FAF1: variants seen among roughly 807,000 people sequenced by gnomAD.
The protein encoded by FAF1 is Fas associated factor 1, also known as FAS-associated factor 1.
A neutral mutation model predicts 92.5 loss-of-function variants in FAF1; 25 were observed. The observed-to-expected ratio is 0.27, with a 90% CI of 0.20 to 0.38. The LOEUF is 0.38. Ranked by LOEUF, FAF1 falls within the 10% of genes least tolerant of loss-of-function variation. FAF1 has a pLI of 1.00. For missense variants in FAF1, 636 were observed against 793.3 expected (o/e 0.80, Z 2.38); for synonymous variants, 234 against 273.2 (o/e 0.86, Z 1.42).
chr1:50,642,024 G>A (rs1287026121), intron 8 of FAF1, among the ~76,000 whole-genome samples: 1 of 151,932 alleles, frequency 6.6e-6, no homozygotes, highest in Non-Finnish European at 1.5e-5. Context: ...GCAACATGGT[G>A]AAACCCCATC....
chr1:50,842,676 C>T (rs757243007), intron 2 of FAF1, among the ~76,000 whole-genome samples: 1 of 152,024 alleles, frequency 6.6e-6, no homozygotes, highest in African/African-American at 2.4e-5. Context: ...GCTTTTCCTT[C>T]TGTTTTCACC....
intron 4 of FAF1, among the ~76,000 whole-genome samples, chr1:50,783,293 CT>C (rs2124565409): frequency 6.6e-6 from 1 of 152,244 alleles, no homozygotes; most frequent in South Asian, 2.1e-4. Flanking sequence ...TAAAGAATTA[CT>C]GCCAAGCCTT....
intron 1 of FAF1, among the ~76,000 whole-genome samples, chr1:50,953,726 C>T (rs1488289905): frequency 2.0e-5 from 3 of 151,186 alleles, no homozygotes; most frequent in Non-Finnish European, 4.4e-5. Flanking sequence ...GCAACAAAAG[C>T]GAAACTCTGT....
At chr1:50,756,150 C>G (rs755647411) in intron 4 of FAF1, among the ~76,000 whole-genome samples, 3 of 152,194 alleles carry the variant, frequency 2.0e-5, no homozygotes, top group Non-Finnish European at 4.4e-5. Context: ...TACAAATTTT[C>G]TGAACTTACA....
intron 8 of FAF1, among the ~76,000 whole-genome samples, chr1:50,637,368 G>A (rs887786769): frequency 1.0e-4 from 15 of 150,590 alleles, no homozygotes; most frequent in Admixed American, 3.3e-4. Context: ...CAGGAGAATC[G>A]CTTGAACTTG....
At chr1:50,708,184 C>T (rs1657768574) in intron 6 of FAF1, among the ~76,000 whole-genome samples, 1 of 152,202 alleles carries the variant, frequency 6.6e-6, no homozygotes. Context: ...ATTCTGGCTG[C>T]TCTGGCCACA....
chr1:50,947,541 G>A (rs1645180379), intron 1 of FAF1, among the ~76,000 whole-genome samples: 1 of 152,194 alleles, frequency 6.6e-6, no homozygotes, highest in Admixed American at 6.5e-5. Context: ...TTAACATGGT[G>A]AACAATTTTG....
intron 15 of FAF1, among the ~76,000 whole-genome samples, chr1:50,529,481 A>G (rs1019963453): frequency 6.6e-6 from 1 of 152,224 alleles, no homozygotes; most frequent in Non-Finnish European, 1.5e-5. Context: ...TCTTACATTC[A>G]AAATGTGAAA....
chr1:50,443,695 G>A (rs1219221437), intron 18 of FAF1, among the ~76,000 whole-genome samples: 2 of 152,160 alleles, frequency 1.3e-5, no homozygotes, highest in East Asian at 3.8e-4. Context: ...TTCATAGGTT[G>A]TTGTGATTAT....
chr1:50,650,404 G>A (rs1654810017), intron 8 of FAF1, among the ~76,000 whole-genome samples: 1 of 151,676 alleles, frequency 6.6e-6, no homozygotes, highest in Non-Finnish European at 1.5e-5. Context: ...CCAAGAGTTC[G>A]AGGCCAAAAG....
At chr1:50,636,278 C>T (rs561685638) in intron 8 of FAF1, among the ~76,000 whole-genome samples, 1 of 151,844 alleles carries the variant, frequency 6.6e-6, no homozygotes, top group South Asian at 2.1e-4. Flanking sequence ...AGAAAATTTC[C>T]ATCACTTCTC....
chr1:50,646,907 A>G (rs1387498972), intron 8 of FAF1, among the ~76,000 whole-genome samples: 5 of 152,178 alleles, frequency 3.3e-5, no homozygotes, highest in Non-Finnish European at 4.4e-5. Context: ...GTACAGTGGC[A>G]TGCTCTTGGC....
intron 17 of FAF1, among the ~76,000 whole-genome samples, chr1:50,481,289 A>G (rs1373360802): frequency 1.3e-5 from 2 of 152,196 alleles, no homozygotes; most frequent in Non-Finnish European, 2.9e-5. Flanking sequence ...TTCACTCACC[A>G]CTTGCTCACT....
At chr1:50,791,533 G>T (rs374467317) in intron 3 of FAF1, among the ~76,000 whole-genome samples, 34 of 152,224 alleles carry the variant, frequency 2.2e-4, no homozygotes, top group African/African-American at 7.2e-4. Context: ...CTTTTTTCCT[G>T]CTTGCATTCA....
intron 2 of FAF1, among the ~76,000 whole-genome samples, chr1:50,810,086 T>A (rs1464597529): frequency 6.6e-6 from 1 of 151,974 alleles, no homozygotes; most frequent in Non-Finnish European, 1.5e-5. Context: ...TGAAACCCCA[T>A]CTCTACTGAA....
At chr1:50,677,437 T>C (rs1656171545) in intron 7 of FAF1, among the ~76,000 whole-genome samples, 2 of 152,224 alleles carry the variant, frequency 1.3e-5, no homozygotes, top group Non-Finnish European at 2.9e-5. Context: ...TGAGCTCTTA[T>C]GTTTTACATT....
intron 4 of FAF1, among the ~76,000 whole-genome samples, chr1:50,782,217 C>T (rs1557525157): frequency 6.6e-6 from 1 of 151,818 alleles, no homozygotes; most frequent in Non-Finnish European, 1.5e-5. Context: ...CAGGCTCAGG[C>T]TAGTCCTTCA....
At chr1:50,721,620 T>A (rs1460226513) in intron 6 of FAF1, among the ~76,000 whole-genome samples, 1 of 152,130 alleles carries the variant, frequency 6.6e-6, no homozygotes, top group Non-Finnish European at 1.5e-5. Context: ...TTTTATTAAA[T>A]CATTTTTTGT....
intron 4 of FAF1, among the ~76,000 whole-genome samples, chr1:50,778,477 C>T (rs1168994370): frequency 6.6e-6 from 1 of 152,146 alleles, no homozygotes; most frequent in Non-Finnish European, 1.5e-5. Context: ...TAATAGCCTA[C>T]TGTTGACCAG....
Sources: gnomAD v4.1 joint callset for allele counts (sites outside exome capture counted in the v4.1 genomes callset) on GRCh38, gnomAD v4.1.1 for gene constraint, MANE v1.5 for transcripts, NCBI Gene and HGNC (gene_info 2026-07-23, HGNC 2026-07-21) for gene names.